EPSTI1: variants seen among roughly 807,000 people sequenced by gnomAD.
The protein encoded by EPSTI1 is epithelial stromal interaction 1.
In EPSTI1, 66 loss-of-function variants were observed where a neutral mutation model predicts 49.9. That is an observed-to-expected ratio of 1.32 (90% CI 1.08 to 1.62). EPSTI1 has a LOEUF of 1.62. Ranked by LOEUF, EPSTI1 falls within the 40% of genes most tolerant of loss-of-function variation. EPSTI1 has a pLI of 0.00. For synonymous variants in EPSTI1, 137 were observed against 130.7 expected, an observed-to-expected ratio of 1.05 and a Z score of -0.33; for missense variants, 394 against 365.5, an observed-to-expected ratio of 1.08 and a Z score of -0.64.
intron 4 of EPSTI1, 107 bp downstream of exon 4, chr13:42,963,959 G>T: frequency 1.0e-6 from 1 of 962,090 alleles, no homozygotes; most frequent in Non-Finnish European, 1.5e-6. Flanking sequence ...CAACTGGTTG[G>T]AAGGTTTTAT....
intron 1 of EPSTI1, among the ~76,000 whole-genome samples, chr13:42,982,808 A>G (rs2040009074): frequency 6.6e-6 from 1 of 152,174 alleles, no homozygotes; most frequent in African/African-American, 2.4e-5. Context: ...AATTTCTCTG[A>G]CCTTCCTCTA....
chr13:42,972,767 C>G (rs2039796459), intron 1 of EPSTI1, among the ~76,000 whole-genome samples: 1 of 152,088 alleles, frequency 6.6e-6, no homozygotes. Context: ...ACAGAACTTA[C>G]ACTTTAGTTA....
At chr13:42,983,217 C>T (rs1040270499) in intron 1 of EPSTI1, among the ~76,000 whole-genome samples, 4 of 152,136 alleles carry the variant, frequency 2.6e-5, no homozygotes, top group South Asian at 2.1e-4. Context: ...ATTACTGCTT[C>T]GATATTACCA....
At chr13:42,935,005 C>G (rs1024300426) in intron 6 of EPSTI1, 2 of 152,400 alleles carry the variant, frequency 1.3e-5, no homozygotes, top group Non-Finnish European at 2.9e-5. Flanking sequence ...GTGCTGCCCC[C>G]CCACAGGCTG....
chr13:42,934,371 A>G (rs1321341916), intron 6 of EPSTI1: 1 of 156,150 alleles, frequency 6.4e-6, no homozygotes, highest in East Asian at 1.9e-4. Context: ...GACCATCGTT[A>G]GGTTTGGGTG....
At chr13:42,944,493 G>A (rs896639025) in intron 6 of EPSTI1, among the ~76,000 whole-genome samples, 11 of 152,068 alleles carry the variant, frequency 7.2e-5, no homozygotes, top group African/African-American at 2.7e-4. Context: ...CACAGGGAGG[G>A]GAACATCACA....
At chr13:42,967,305 A>G (rs1178210293) in intron 3 of EPSTI1, among the ~76,000 whole-genome samples, 1 of 25,610 alleles carries the variant, frequency 3.9e-5, no homozygotes, top group East Asian at 3.7e-3. Flanking sequence ...AAAAAAAAAA[A>G]AAAAAAGAAA....
intron 9 of EPSTI1, among the ~76,000 whole-genome samples, chr13:42,897,099 C>A (rs79077412): frequency 2.8e-3 from 343 of 121,718 alleles, no homozygotes; most frequent in Admixed American, 3.3e-3. Flanking sequence ...AACTCTGTCT[C>A]AAAAAAAAAA....
At chr13:42,967,789 A>G (rs2039661057) in intron 3 of EPSTI1, among the ~76,000 whole-genome samples, 1 of 152,188 alleles carries the variant, frequency 6.6e-6, no homozygotes, top group Admixed American at 6.5e-5. Context: ...AACAAGGATC[A>G]CTGCATTACG....
At chr13:42,889,123 G>C in intron 10 of EPSTI1, 1 of 1,061,232 alleles carries the variant, frequency 9.4e-7, no homozygotes, top group South Asian at 1.4e-5. Flanking sequence ...TGAAGACATA[G>C]GATTTAGAGT....
Sources: allele counts gnomAD v4.1 joint callset (sites outside exome capture counted in the v4.1 genomes callset), GRCh38; gene constraint gnomAD v4.1.1; transcripts MANE v1.5; gene names NCBI Gene and HGNC (gene_info 2026-07-23, HGNC 2026-07-21).